PCDHGB7: variants seen among roughly 807,000 people sequenced by gnomAD.
The protein encoded by PCDHGB7 is protocadherin gamma subfamily B, 7.
In PCDHGB7, 37 loss-of-function variants were observed where a neutral mutation model predicts 61.4. That is an observed-to-expected ratio of 0.60 (90% confidence interval 0.46 to 0.79). PCDHGB7 has a LOEUF of 0.79. Among genes scored for constraint, PCDHGB7 ranks in the 30% least tolerant of loss-of-function variants. The pLI is 0.00. For missense variants in PCDHGB7, 1,166 were observed against 1,202.5 expected, an observed-to-expected ratio of 0.97 and a Z score of 0.45; for synonymous variants, 464 against 503.5, an observed-to-expected ratio of 0.92 and a Z score of 1.05.
At position 141,418,056 on chromosome 5, in the gene PCDHGB7, T is replaced by G. The variant is rs199996434; in HGVS notation, c.197T>G (p.Leu66Arg). ...LSVLDVSARE[L>R]RVSAEKLHFS... ...GTCCTGGATGTGTCGGCTCGCGAGC[T>G]GCGAGTGAGCGCGGAGAAGCTGCAC... is the stretch of plus-strand genomic sequence containing the variant. Residue 66 changes from leucine to arginine, a missense_variant, in exon 1 of 4, where the codon CTG becomes CGG. Coordinates refer to ENST00000398594, the MANE Select transcript of PCDHGB7 (RefSeq NM_018927.4). 5.0e-5 allele frequency: 80 copies of G among 1,613,976 alleles called. No individual in the cohort carries two copies. The African/African-American group carries it at 7.5e-4, about 15-fold the overall frequency.
Position 141,432,039 on chromosome 5 carries a change from G to C in PCDHGB7, c.2415+11765G>C. ...AACATCACAGTGACCGCCACTGACC[G>C]GGGAACCCCGCCCCTATCCACGGAA... On this transcript the variant is annotated intron_variant, in intron 1 of 3. Transcript: ENST00000398594. This position sits in a 1 kb window ranked among gnomAD's most constrained non-coding sequence, Gnocchi z 6.0. 6.2e-7 allele frequency: 1 copy of C among 1,614,176 alleles called. No homozygotes were observed. Among genetic ancestry groups the C allele is most frequent in the Non-Finnish European group, 8.5e-7 (1 of 1,180,028 alleles).
intron 1 of PCDHGB7, chr5:141,427,927 T>C (rs1238523389): frequency 6.3e-7 from 1 of 1,580,112 alleles, no homozygotes; most frequent in Non-Finnish European, 8.7e-7. Context: ...AGCCGGCGCA[T>C]GTTGGTGGGC....
chr5:141,460,333 G>A (rs2098986532), intron 1 of PCDHGB7, among the ~76,000 whole-genome samples: 1 of 152,056 alleles, frequency 6.6e-6, no homozygotes, highest in African/African-American at 2.4e-5. Context: ...AACTTATGAT[G>A]ATTTTCTCCT....
intron 1 of PCDHGB7, among the ~76,000 whole-genome samples, chr5:141,442,888 GCTTATCA>G (rs776180931): frequency 8.5e-5 from 13 of 152,204 alleles, no homozygotes; most frequent in Non-Finnish European, 1.8e-4. Flanking sequence ...CAGAATCCCT[GCTTATCA>G]CTTCTCCTTC....
chr5:141,490,331 C>G lies in PCDHGB7; in HGVS notation c.2416-4476C>G. 6.2e-7 allele frequency: 1 copy of G among 1,614,214 alleles called. No individual in the cohort carries two copies. The highest frequency in any genetic ancestry group is 1.1e-5 in the South Asian group (1 of 91,086). The stretch of plus-strand genomic sequence containing the variant: ...GCCAACCCTGTCCTAGAGAGCACAC[C>G]AGTGGGCACAGTAGTGGGGTTGTTT... On this transcript the variant is annotated intron_variant, in intron 1 of 3. Transcript: ENST00000398594. This position sits in a 1 kb window ranked among gnomAD's most constrained non-coding sequence, Gnocchi z 5.4.
Position 141,486,817 on chromosome 5 carries a change from T to A in PCDHGB7, c.2416-7990T>A, listed in dbSNP as rs143638501. On this transcript the variant is annotated intron_variant, in intron 1 of 3. Transcript: ENST00000398594. The surrounding 1 kb of genome is among the most constrained non-coding windows in gnomAD (Gnocchi z 5.0). ...GGGGCAACCCACCCCTTAGCAGCAC[T>A]GTAACAGTTCGTCTATTTGTGCTGG... 1 of 1,614,102 alleles carries A rather than the reference T, an allele frequency of 6.2e-7. No homozygotes were observed. Among genetic ancestry groups the A allele is most frequent in the East Asian group, 2.2e-5 (1 of 44,898 alleles).
intron 1 of PCDHGB7, among the ~76,000 whole-genome samples, chr5:141,456,297 A>G (rs537379475): frequency 6.6e-6 from 1 of 152,274 alleles, no homozygotes; most frequent in African/African-American, 2.4e-5. Context: ...CGTCTAATGG[A>G]GAACAGCAGC....
At position 141,432,207 on chromosome 5, in the gene PCDHGB7, A is replaced by G. The variant is rs1181424938; in HGVS notation, c.2415+11933A>G. 3 of 1,614,176 alleles carry G rather than the reference A, an allele frequency of 1.9e-6. No homozygotes were observed. The highest frequency in any genetic ancestry group is 2.5e-6 in the Non-Finnish European group (3 of 1,180,026). ...ACCGCCCACGACCCCGACTGTGAAG[A>G]GAACGCCCAGATCACTTATTCCCTG... On this transcript the variant is annotated intron_variant, in intron 1 of 3. Transcript: ENST00000398594. The surrounding 1 kb of genome is among the most constrained non-coding windows in gnomAD (Gnocchi z 6.0).
chr5:141,432,386 A>C lies in PCDHGB7; in HGVS notation c.2415+12112A>C. 1 of 1,614,204 alleles carries C rather than the reference A, an allele frequency of 6.2e-7. No homozygotes were observed. Among genetic ancestry groups the C allele is most frequent in the Non-Finnish European group, 8.5e-7 (1 of 1,180,032 alleles). ...GCGGGACAACGGGCACCCGCCCCTC[A>C]GCAGCAACGTGTCGTTGAGCCTGTT... On this transcript the variant is annotated intron_variant, in intron 1 of 3. Transcript: ENST00000398594. This position sits in a 1 kb window ranked among gnomAD's most constrained non-coding sequence, Gnocchi z 6.0.
intron 1 of PCDHGB7, among the ~76,000 whole-genome samples, chr5:141,448,581 T>A (rs570781751): frequency 2.0e-5 from 3 of 152,274 alleles, no homozygotes; most frequent in African/African-American, 7.2e-5. Context: ...CCATTTTTTT[T>A]ACAAAAAGAT....
At position 141,419,158 on chromosome 5, in the gene PCDHGB7, C is replaced by T. The variant is rs757849297; in HGVS notation, c.1299C>T (p.Ser433=). The part of the protein sequence containing the change: ...AATDRGKPPL[S]SSKTITLHIT... Reference sequence around the variant, plus strand: ...CAGACAGGGGCAAGCCTCCGTTATCCTCCAGCAAAACCATAACCCTGCACA... The same window carrying T: ...CAGACAGGGGCAAGCCTCCGTTATCTTCCAGCAAAACCATAACCCTGCACA... The change falls in exon 1 of 4, where the codon TCC becomes TCT. Residue 433 remains serine, a synonymous_variant. Transcript: ENST00000398594. The T allele has an allele frequency of 5.0e-6, 8 of 1,613,950 alleles. No individual in the cohort carries two copies. The highest frequency in any genetic ancestry group is 1.7e-5 in the Admixed American group (1 of 60,030).
At chr5:141,460,465 AAAGG>A (rs2098989932) in intron 1 of PCDHGB7, among the ~76,000 whole-genome samples, 1 of 152,088 alleles carries the variant, frequency 6.6e-6, no homozygotes, top group Non-Finnish European at 1.5e-5. Context: ...ATTTTTTTCC[AAAGG>A]AATATCCAAT....
chr5:141,425,500 T>C (rs2096879850), intron 1 of PCDHGB7, among the ~76,000 whole-genome samples: 1 of 152,246 alleles, frequency 6.6e-6, no homozygotes, highest in South Asian at 2.1e-4. Context: ...GCTATACCTT[T>C]ATATTCTCTT....
In PCDHGB7 at chr5:141,491,707, G is replaced by A. The variant is rs1337506934; in HGVS notation, c.2416-3100G>A. ...GCTGCGGGAGCGGAGCCAGGTGAGG[G>A]GCTCGGCGCCGCCCCGGGCGACCCC... On this transcript the variant is annotated intron_variant, in intron 1 of 3. Transcript: ENST00000398594. The surrounding 1 kb of genome is among the most constrained non-coding windows in gnomAD (Gnocchi z 6.9). The A allele has an allele frequency of 6.2e-6, 10 of 1,610,604 alleles. No homozygotes were observed. Among genetic ancestry groups the A allele is most frequent in the Admixed American group, 1.7e-5 (1 of 59,554 alleles).
chr5:141,433,347 CCTA>C, intron 1 of PCDHGB7: 1 of 626,716 alleles, frequency 1.6e-6, no homozygotes, highest in South Asian at 2.0e-5. Flanking sequence ...GTGCAAGCCA[CCTA>C]CTGTCTGCCT....
chr5:141,427,726 T>G (rs2097061742), intron 1 of PCDHGB7: 1 of 1,155,034 alleles, frequency 8.7e-7, no homozygotes, highest in Non-Finnish European at 1.3e-6. Context: ...GACCTAGGGC[T>G]GAATGGCCAA....
chr5:141,510,448 C>T (rs1339979584), intron 3 of PCDHGB7, among the ~76,000 whole-genome samples: 1 of 152,016 alleles, frequency 6.6e-6, no homozygotes, highest in Non-Finnish European at 1.5e-5. Context: ...TCCAGGAGCC[C>T]ATGGTCTAGT....
At chr5:141,452,076 G>A (rs978382005) in intron 1 of PCDHGB7, among the ~76,000 whole-genome samples, 3 of 152,092 alleles carry the variant, frequency 2.0e-5, no homozygotes, top group Non-Finnish European at 2.9e-5. Flanking sequence ...TTATTAGTTG[G>A]CATTATACAG....
intron 1 of PCDHGB7, among the ~76,000 whole-genome samples, chr5:141,471,928 G>A (rs1328213264): frequency 6.6e-6 from 1 of 152,152 alleles, no homozygotes; most frequent in African/African-American, 2.4e-5. Context: ...TTTTGGGGGT[G>A]ATGAGAGTTT....
Sources: gnomAD v4.1 joint callset for allele counts (sites outside exome capture counted in the v4.1 genomes callset) on GRCh38, gnomAD v4.1.1 for gene constraint, Gnocchi (gnomAD v3.1) non-coding constraint, MANE v1.5 for transcripts, NCBI Gene and HGNC (gene_info 2026-07-23, HGNC 2026-07-21) for gene names.